The following SLC5A11 variants were observed in gnomAD, a reference collection of about 807,000 sequenced individuals.
The protein encoded by SLC5A11 is solute carrier family 5 member 11.
SLC5A11 carries 48 observed loss-of-function variants against 69.8 expected under a neutral mutation model. The ratio of observed to expected loss-of-function variants is 0.69; its 90% CI spans 0.55 to 0.87. SLC5A11 has a LOEUF of 0.87. SLC5A11 is among the 40% of genes least tolerant of loss of function. The pLI is 0.00. For missense variants in SLC5A11, 784 were observed against 866.1 expected (o/e 0.91, Z 1.19); for synonymous variants, 319 against 342.4 (o/e 0.93, Z 0.75).
intron 1 of SLC5A11, among the ~76,000 whole-genome samples, chr16:24,850,098 C>A (rs1274316387): frequency 6.6e-6 from 1 of 151,952 alleles, no homozygotes; most frequent in African/African-American, 2.4e-5. Context: ...GCACCATGCC[C>A]AGCTAATTTT....
At chr16:24,862,670 C>T (rs1156327750) in exon 3 of SLC5A11, 1 of 1,612,898 alleles carries the variant, frequency 6.2e-7, no homozygotes. Flanking sequence ...GGTGTGGTGG[C>T]CAGTAAGTGG....
intron 4 of SLC5A11, among the ~76,000 whole-genome samples, chr16:24,870,504 G>T (rs1293941905): frequency 6.6e-6 from 1 of 151,288 alleles, no homozygotes; most frequent in East Asian, 2.0e-4. Context: ...AGTGGGTTGG[G>T]CGCGATGGCT....
At chr16:24,892,315 C>T (rs2048865986) in intron 9 of SLC5A11, among the ~76,000 whole-genome samples, 2 of 151,716 alleles carry the variant, frequency 1.3e-5, no homozygotes, top group African/African-American at 4.8e-5. Context: ...CGAGAGCTTC[C>T]TGTGATTTTT....
chr16:24,869,052 G>C (rs1411793782), intron 3 of SLC5A11, among the ~76,000 whole-genome samples: 2 of 152,018 alleles, frequency 1.3e-5, no homozygotes, highest in African/African-American at 4.8e-5. Context: ...ATTTTTAGTG[G>C]AGACGGGGTT....
chr16:24,848,070 T>G (rs557552979), intron 1 of SLC5A11, among the ~76,000 whole-genome samples: 1 of 152,068 alleles, frequency 6.6e-6, no homozygotes, highest in African/African-American at 2.4e-5. Context: ...CAGGCTGACA[T>G]CTAAAGGATG....
At chr16:24,908,809 A>G in intron 13 of SLC5A11, 72 bp from the exon 15 acceptor site, 2 of 1,450,944 alleles carry the variant, frequency 1.4e-6, no homozygotes. Context: ...CAAGTCCTGG[A>G]GATGGCTTCT....
intron 2 of SLC5A11, among the ~76,000 whole-genome samples, chr16:24,860,212 G>A (rs145033849): frequency 0.044 from 6,723 of 152,218 alleles, 195 homozygotes; most frequent in Non-Finnish European, 0.072. Context: ...GCATGAATCC[G>A]GGAGGCAGAG....
intron 9 of SLC5A11, among the ~76,000 whole-genome samples, chr16:24,893,555 A>G (rs889243784): frequency 4.6e-5 from 7 of 151,326 alleles, no homozygotes; most frequent in Non-Finnish European, 1.0e-4. Context: ...CTTCTTTTTT[A>G]TTATTTTTAT....
intron 8 of SLC5A11, among the ~76,000 whole-genome samples, chr16:24,887,798 G>A (rs1457116020): frequency 1.3e-5 from 2 of 152,212 alleles, no homozygotes; most frequent in Admixed American, 6.6e-5. Context: ...TTAAGAAAAT[G>A]TAACTTGATA....
intron 5 of SLC5A11, among the ~76,000 whole-genome samples, chr16:24,873,820 G>A (rs1036512112): frequency 7.3e-6 from 1 of 137,072 alleles, no homozygotes; most frequent in Non-Finnish European, 1.5e-5. Context: ...ATTGAAAACT[G>A]GAGTAATTTT....
rs558161912 is a variant in SLC5A11, at chr16:24,890,785, A to G, written c.665-84A>G. The stretch of plus-strand genomic sequence containing the variant: ...TTTTGGTGGCTCTGGTCCTACTAGA[A>G]TTTCACCAGTCTCCAGCCATCTCCT... On this transcript the variant is annotated intron_variant, in intron 8 of 15. Coordinates refer to ENST00000347898, the Ensembl canonical transcript of SLC5A11. 3 of 1,339,548 alleles carry G rather than the reference A, an allele frequency of 2.2e-6. No individual in the cohort carries two copies. The Admixed American group carries it at 5.1e-5, about 23-fold the overall frequency. The allele number at this position is 1,339,548 out of a possible 1,614,324, so 83.0% of individuals were successfully genotyped here.
At chr16:24,899,973 G>A (rs546881722) in intron 10 of SLC5A11, among the ~76,000 whole-genome samples, 29 of 152,282 alleles carry the variant, frequency 1.9e-4, no homozygotes, top group African/African-American at 6.7e-4. Flanking sequence ...CAAAGTGCTG[G>A]GATTACGGTG....
intron 9 of SLC5A11, among the ~76,000 whole-genome samples, chr16:24,892,160 AAAGCT>A (rs1222673627): frequency 1.3e-5 from 2 of 151,880 alleles, no homozygotes; most frequent in African/African-American, 4.8e-5. Context: ...CCAGGAGGTC[AAAGCT>A]GCAGTGAGTT....
At chr16:24,882,448 G>A (rs563560788) in intron 7 of SLC5A11, among the ~76,000 whole-genome samples, 24 of 152,152 alleles carry the variant, frequency 1.6e-4, no homozygotes, top group African/African-American at 5.1e-4. Flanking sequence ...GAGGGATCCT[G>A]GAGAGCACCT....
chr16:24,850,250 A>G (rs1181489354), intron 1 of SLC5A11, among the ~76,000 whole-genome samples: 1 of 152,166 alleles, frequency 6.6e-6, no homozygotes, highest in Admixed American at 6.5e-5. Context: ...GAGCCCAGCC[A>G]GGATCTGTCT....
At chr16:24,846,376 C>T (rs950042251) in exon 1 of SLC5A11, 2 of 152,388 alleles carry the variant, frequency 1.3e-5, no homozygotes, top group African/African-American at 4.8e-5. Context: ...CCACCGCCAC[C>T]TCCTAGTGCC....
chr16:24,877,759 G>A (rs1162543235), intron 7 of SLC5A11, among the ~76,000 whole-genome samples: 3 of 152,172 alleles, frequency 2.0e-5, no homozygotes, highest in Non-Finnish European at 4.4e-5. Context: ...GCCAAGGTGG[G>A]TGGATCACGA....
intron 10 of SLC5A11, among the ~76,000 whole-genome samples, chr16:24,906,276 G>A (rs1251951031): frequency 1.3e-5 from 2 of 151,590 alleles, no homozygotes; most frequent in East Asian, 1.9e-4. Context: ...GGGAAGCAGA[G>A]GTTGCAGTGA....
intron 3 of SLC5A11, among the ~76,000 whole-genome samples, chr16:24,866,327 G>A (rs943588335): frequency 6.6e-6 from 1 of 151,726 alleles, no homozygotes; most frequent in African/African-American, 2.4e-5. Context: ...GGCTGGGCAT[G>A]GTGACTCAAA....
Sources: gnomAD v4.1 joint callset for allele counts (sites outside exome capture counted in the v4.1 genomes callset) on GRCh38, gnomAD v4.1.1 for gene constraint, MANE v1.5 for transcripts, NCBI Gene and HGNC (gene_info 2026-07-23, HGNC 2026-07-21) for gene names.